The following NKAIN2 variants were observed in gnomAD, a reference collection of about 807,000 sequenced individuals.
NKAIN2 encodes sodium/potassium-transporting ATPase subunit beta-1-interacting protein 2.
Under a neutral mutation model 32.6 loss-of-function variants are expected in NKAIN2, and 14 were observed. That is an observed-to-expected ratio of 0.43 (90% confidence interval 0.28 to 0.67). The LOEUF (loss-of-function observed/expected upper bound fraction) is 0.67, where lower values mean the gene tolerates loss of function less well. Ranked by LOEUF, NKAIN2 falls within the 30% of genes least tolerant of loss-of-function variation. The pLI is 0.17. For synonymous variants in NKAIN2, 80 were observed against 87.2 expected (o/e 0.92, Z 0.46); for missense variants, 198 against 258.3 (o/e 0.77, Z 1.60).
At chr6:124,103,212 C>A (rs1784970464) in intron 1 of NKAIN2, among the ~76,000 whole-genome samples, 1 of 152,122 alleles carries the variant, frequency 6.6e-6, no homozygotes, top group African/African-American at 2.4e-5. Context: ...CTAGATCTTG[C>A]TACTGGTCCC....
chr6:124,696,841 AC>A (rs1408827827), intron 4 of NKAIN2, among the ~76,000 whole-genome samples: 2 of 151,910 alleles, frequency 1.3e-5, no homozygotes, highest in African/African-American at 4.8e-5. Flanking sequence ...AATTTAGGGA[AC>A]TTGTTCCACA....
At chr6:124,338,371 T>C (rs956637818) in intron 2 of NKAIN2, among the ~76,000 whole-genome samples, 1 of 152,200 alleles carries the variant, frequency 6.6e-6, no homozygotes, top group African/African-American at 2.4e-5. Context: ...GTGATAAGTG[T>C]AGAGCTGCTA....
At chr6:123,827,629 A>G (rs549221331) in intron 1 of NKAIN2, among the ~76,000 whole-genome samples, 1 of 152,286 alleles carries the variant, frequency 6.6e-6, no homozygotes, top group East Asian at 1.9e-4. Flanking sequence ...TTAACTGTGT[A>G]TTTTAACACA....
intron 1 of NKAIN2, among the ~76,000 whole-genome samples, chr6:124,076,939 A>G (rs920953933): frequency 6.6e-6 from 1 of 152,232 alleles, no homozygotes; most frequent in Non-Finnish European, 1.5e-5. Context: ...AACCTGAGGT[A>G]TATGTATTTA....
intron 4 of NKAIN2, among the ~76,000 whole-genome samples, chr6:124,694,100 AG>A (rs1774381230): frequency 6.6e-6 from 1 of 152,224 alleles, no homozygotes; most frequent in Non-Finnish European, 1.5e-5. Flanking sequence ...TTTGTTTAAA[AG>A]CACGTTTGCA....
At chr6:124,610,495 ACTGT>A (rs1782651259) in intron 3 of NKAIN2, among the ~76,000 whole-genome samples, 1 of 152,196 alleles carries the variant, frequency 6.6e-6, no homozygotes, top group South Asian at 2.1e-4. Context: ...TCAGAGTGAT[ACTGT>A]CTATGCTGGT....
intron 4 of NKAIN2, among the ~76,000 whole-genome samples, chr6:124,738,847 A>G (rs1360437315): frequency 1.3e-5 from 2 of 151,934 alleles, no homozygotes; most frequent in Non-Finnish European, 2.9e-5. Flanking sequence ...AGGACATATT[A>G]TATGAGAAAG....
intron 3 of NKAIN2, among the ~76,000 whole-genome samples, chr6:124,545,242 G>C (rs187772483): frequency 6.6e-6 from 1 of 152,138 alleles, no homozygotes; most frequent in Non-Finnish European, 1.5e-5. Context: ...GAAGCTGGAA[G>C]CTTTTTGACT....
intron 2 of NKAIN2, among the ~76,000 whole-genome samples, chr6:124,332,013 T>TA (rs1562494624): frequency 6.6e-6 from 1 of 152,134 alleles, no homozygotes; most frequent in Admixed American, 6.5e-5. Flanking sequence ...TAGGGTGATT[T>TA]AAAAAACTAA....
intron 2 of NKAIN2, among the ~76,000 whole-genome samples, chr6:124,330,650 A>C (rs1797613405): frequency 1.3e-5 from 2 of 152,282 alleles, no homozygotes; most frequent in African/African-American, 4.8e-5. Context: ...AGCTGGAGGA[A>C]TAATTAGCAT....
At chr6:123,833,017 A>G (rs944683778) in intron 1 of NKAIN2, among the ~76,000 whole-genome samples, 2 of 152,218 alleles carry the variant, frequency 1.3e-5, no homozygotes, top group Admixed American at 1.3e-4. Context: ...TTTGTCTAAA[A>G]TATAAATACC....
chr6:124,117,647 TATAATA>T (rs1464621793), intron 1 of NKAIN2, among the ~76,000 whole-genome samples: 1 of 151,946 alleles, frequency 6.6e-6, no homozygotes, highest in South Asian at 2.1e-4. Context: ...AAACTTAAAG[TATAATA>T]ATAATAATAA....
At chr6:124,369,064 A>T (rs565931800) in intron 3 of NKAIN2, among the ~76,000 whole-genome samples, 53 of 152,336 alleles carry the variant, frequency 3.5e-4, no homozygotes, top group African/African-American at 1.3e-3. Context: ...TTTGCAAAAC[A>T]TAAGTATAAA....
At chr6:124,541,929 C>T (rs1049438000) in intron 3 of NKAIN2, among the ~76,000 whole-genome samples, 1 of 152,082 alleles carries the variant, frequency 6.6e-6, no homozygotes, top group African/African-American at 2.4e-5. Flanking sequence ...ATAAATACTT[C>T]ATAATATATA....
intron 3 of NKAIN2, among the ~76,000 whole-genome samples, chr6:124,627,679 A>G (rs922580125): frequency 4.6e-5 from 7 of 152,118 alleles, no homozygotes; most frequent in African/African-American, 1.7e-4. Context: ...TTAACTCAAA[A>G]TTCTGAGTTC....
intron 5 of NKAIN2, among the ~76,000 whole-genome samples, chr6:124,808,039 A>G (rs540564164): frequency 0.048 from 7,210 of 150,274 alleles, 173 homozygotes; most frequent in South Asian, 0.093. Flanking sequence ...ATTCACAGCC[A>G]AATTCTACCA....
chr6:124,554,944 A>C (rs1480446287), intron 3 of NKAIN2, among the ~76,000 whole-genome samples: 2 of 152,106 alleles, frequency 1.3e-5, no homozygotes, highest in Non-Finnish European at 2.9e-5. Flanking sequence ...CCTCCAGCTA[A>C]TATAACCCAG....
At chr6:124,571,534 T>C (rs1203060797) in intron 3 of NKAIN2, among the ~76,000 whole-genome samples, 1 of 152,132 alleles carries the variant, frequency 6.6e-6, no homozygotes, top group Non-Finnish European at 1.5e-5. Context: ...GTTTCTGCTT[T>C]TGCTTCTTCC....
chr6:124,343,917 C>T (rs1311885962), intron 2 of NKAIN2, among the ~76,000 whole-genome samples: 2 of 142,616 alleles, frequency 1.4e-5, no homozygotes, highest in African/African-American at 4.9e-5. Context: ...ATGCCTATGT[C>T]CTGAATGGTA....
Sources: gnomAD v4.1 joint callset for allele counts (sites outside exome capture counted in the v4.1 genomes callset) on GRCh38, gnomAD v4.1.1 for gene constraint, MANE v1.5 for transcripts, NCBI Gene and HGNC (gene_info 2026-07-23, HGNC 2026-07-21) for gene names.